STXBP5: variants seen among roughly 807,000 people sequenced by gnomAD.
STXBP5 encodes syntaxin binding protein 5.
Under a neutral mutation model 152.4 loss-of-function variants are expected in STXBP5, and 50 were observed. That is an observed-to-expected ratio of 0.33 (90% CI 0.26 to 0.42). The LOEUF is 0.42. Among genes scored for constraint, STXBP5 ranks in the 10% least tolerant of loss-of-function variants. STXBP5 has a pLI of 1.00. For synonymous variants in STXBP5, 492 were observed against 494.7 expected (o/e 0.99, Z 0.07); for missense variants, 1,167 against 1,388.6 (o/e 0.84, Z 2.54).
Position 147,240,603 on chromosome 6 carries a change from A to G in STXBP5, c.431+1333A>G, listed in dbSNP as rs184379757. Among the ~76,000 whole-genome samples the G allele has an allele frequency of 1.8e-3, 281 of 152,276 alleles. 1 individual carries two copies. Among genetic ancestry groups the G allele is most frequent in the African/African-American group, 6.4e-3 (268 of 41,552 alleles). The stretch of plus-strand genomic sequence containing the variant: ...CAAGTTTTAGTTTTTAATGTCTAAA[A>G]TTTTGGTTAAAACCTGTTGACAATA... On this transcript the variant is annotated intron_variant, in intron 4 of 27. Transcript: ENST00000321680.
chr6:147,272,667 T>C (rs1780231720), intron 7 of STXBP5, among the ~76,000 whole-genome samples: 1 of 152,178 alleles, frequency 6.6e-6, no homozygotes, highest in South Asian at 2.1e-4. Flanking sequence ...CAGTGGTATA[T>C]TACTGTATTC....
At chr6:147,221,046 C>A (rs1777432929) in intron 2 of STXBP5, among the ~76,000 whole-genome samples, 1 of 151,988 alleles carries the variant, frequency 6.6e-6, no homozygotes, top group South Asian at 2.1e-4. Flanking sequence ...CTTAGCATAT[C>A]AGTTATACTT....
chr6:147,350,029 A>T (rs988311268), intron 21 of STXBP5, among the ~76,000 whole-genome samples: 1 of 152,160 alleles, frequency 6.6e-6, no homozygotes, highest in Non-Finnish European at 1.5e-5. Context: ...TCCACTTGCA[A>T]ACTGTTTTGG....
intron 7 of STXBP5, among the ~76,000 whole-genome samples, chr6:147,268,266 T>C (rs1779990034): frequency 6.6e-6 from 1 of 152,224 alleles, no homozygotes; most frequent in Non-Finnish European, 1.5e-5. Context: ...TATTTTTCTA[T>C]GGAACTATGA....
rs555479494 is a variant in STXBP5 at position 147,263,916 on chromosome 6, C to A, written c.630+1563C>A. On this transcript the variant is annotated intron_variant, in intron 6 of 27. Transcript: ENST00000321680. Reference sequence around the variant, plus strand: ...TTAGAAATGTGTGCATATCTCAGCTCCCCTGAATTTGAAACTCGTTAAGCA... The same window carrying A: ...TTAGAAATGTGTGCATATCTCAGCTACCCTGAATTTGAAACTCGTTAAGCA... Among the ~76,000 whole-genome samples the A allele has an allele frequency of 8.6e-5, 13 of 151,974 alleles. No homozygotes were observed. The East Asian group carries it at 2.5e-3, about 29-fold the overall frequency.
At chr6:147,366,267 T>C (rs978296631) in intron 25 of STXBP5, among the ~76,000 whole-genome samples, 7 of 152,138 alleles carry the variant, frequency 4.6e-5, no homozygotes. Context: ...AAAAGAACCA[T>C]CTGAAAGGAA....
chr6:147,281,933 A>T (rs1449158726), intron 8 of STXBP5, among the ~76,000 whole-genome samples: 1 of 152,212 alleles, frequency 6.6e-6, no homozygotes, highest in Non-Finnish European at 1.5e-5. Flanking sequence ...ATTCTCATCC[A>T]TGAATACAAA....
At chr6:147,255,607 G>A (rs975247077) in intron 4 of STXBP5, among the ~76,000 whole-genome samples, 1 of 152,050 alleles carries the variant, frequency 6.6e-6, no homozygotes, top group Non-Finnish European at 1.5e-5. Flanking sequence ...CAGTCCTCCT[G>A]CCTCAGCTCA....
chr6:147,313,845 A>C (rs201345095), intron 11 of STXBP5, 39 bp from the exon 12 acceptor site: 55 of 1,360,212 alleles, frequency 4.0e-5, no homozygotes, highest in Non-Finnish European at 8.0e-6. Flanking sequence ...GGTATAATTC[A>C]TTAAATTAAT....
chr6:147,298,454 G>A (rs190482546), intron 9 of STXBP5, among the ~76,000 whole-genome samples: 5 of 152,106 alleles, frequency 3.3e-5, no homozygotes, highest in Non-Finnish European at 7.4e-5. Flanking sequence ...AAGAAACAAT[G>A]GATTTAAATT....
At chr6:147,362,454 G>T (rs943277137) in intron 23 of STXBP5, among the ~76,000 whole-genome samples, 1 of 152,058 alleles carries the variant, frequency 6.6e-6, no homozygotes, top group Non-Finnish European at 1.5e-5. Context: ...ACATTATCAA[G>T]GATATAGGGG....
At chr6:147,262,854 A>G (rs971776553) in intron 6 of STXBP5, among the ~76,000 whole-genome samples, 1 of 151,890 alleles carries the variant, frequency 6.6e-6, no homozygotes. Context: ...AGTTTCATAT[A>G]ATCAGTATCT....
intron 16 of STXBP5, among the ~76,000 whole-genome samples, chr6:147,324,462 A>G (rs1249802485): frequency 1.1e-4 from 16 of 151,682 alleles, no homozygotes; most frequent in Admixed American, 1.0e-3. Context: ...TGGTAGAGAC[A>G]GAGTTTCACC....
At chr6:147,312,914 A>C (rs1297559988) in intron 11 of STXBP5, among the ~76,000 whole-genome samples, 1 of 152,202 alleles carries the variant, frequency 6.6e-6, no homozygotes, top group Non-Finnish European at 1.5e-5. Context: ...TTTAAGTCAA[A>C]GAAAATACTA....
At chr6:147,342,255 G>A (rs1186286325) in intron 21 of STXBP5, among the ~76,000 whole-genome samples, 1 of 152,120 alleles carries the variant, frequency 6.6e-6, no homozygotes, top group Non-Finnish European at 1.5e-5. Context: ...ATAGTGTCTG[G>A]AAGTCTACCT....
intron 19 of STXBP5, among the ~76,000 whole-genome samples, chr6:147,337,205 ACACACACAC>A (rs1783873199): frequency 6.9e-6 from 1 of 145,666 alleles, no homozygotes; most frequent in African/African-American, 2.6e-5. Flanking sequence ...ACACACACAC[ACACACACAC>A]AAGAAGTCAT....
intron 4 of STXBP5, among the ~76,000 whole-genome samples, chr6:147,259,101 A>G (rs1779521962): frequency 6.6e-6 from 1 of 152,116 alleles, no homozygotes; most frequent in African/African-American, 2.4e-5. Flanking sequence ...ATACACTCCC[A>G]TTATTTATAT....
intron 8 of STXBP5, among the ~76,000 whole-genome samples, chr6:147,281,960 C>T (rs1006728061): frequency 2.6e-5 from 4 of 152,116 alleles, no homozygotes; most frequent in Non-Finnish European, 1.5e-5. Context: ...TGAAACTTGA[C>T]CTAGTCTCAT....
intron 7 of STXBP5, among the ~76,000 whole-genome samples, chr6:147,277,762 G>A (rs879561775): frequency 2.0e-5 from 3 of 152,032 alleles, no homozygotes; most frequent in Non-Finnish European, 4.4e-5. Context: ...GGTAATTTAT[G>A]TTTAGGTATT....
Sources: gnomAD v4.1 joint callset for allele counts (sites outside exome capture counted in the v4.1 genomes callset) on GRCh38, gnomAD v4.1.1 for gene constraint, MANE v1.5 for transcripts, NCBI Gene and HGNC (gene_info 2026-07-23, HGNC 2026-07-21) for gene names.